Variants in UGT2A2 observed in about 807,000 individuals in gnomAD.
The protein encoded by UGT2A2 is UDP-glucuronosyltransferase 2A2.
Under a neutral mutation model 50.7 loss-of-function variants are expected in UGT2A2, and 60 were observed. The ratio of observed to expected loss-of-function variants is 1.18; its 90% CI spans 0.96 to 1.47. The LOEUF (loss-of-function observed/expected upper bound fraction) is 1.47. Among genes scored for constraint, UGT2A2 ranks in the 40% most tolerant of loss-of-function variants. The probability of loss-of-function intolerance (pLI) is 0.00; values close to 1 mark genes in which losing one functional copy is unlikely to be tolerated. For synonymous variants in UGT2A2, 242 were observed against 214.6 expected (o/e 1.13, Z -1.11); for missense variants, 762 against 634.0 (o/e 1.20, Z -2.17).
chr4:69,617,580 T>C (rs1720477639), intron 1 of UGT2A2, among the ~76,000 whole-genome samples: 2 of 151,818 alleles, frequency 1.3e-5, no homozygotes, highest in South Asian at 4.1e-4. Context: ...AGAAAGACTG[T>C]TTCAAATTAG....
chr4:69,599,456 A>G (rs1001549649), intron 1 of UGT2A2, 62 bp from the exon 2 acceptor site: 3 of 1,581,258 alleles, frequency 1.9e-6, no homozygotes, highest in Non-Finnish European at 2.6e-6. Context: ...GAGGAGAAAA[A>G]AAAGCTACCA....
chr4:69,620,830 T>C (rs974019608), intron 1 of UGT2A2, among the ~76,000 whole-genome samples: 1 of 151,694 alleles, frequency 6.6e-6, no homozygotes, highest in Non-Finnish European at 1.5e-5. Flanking sequence ...AGCTCATAAA[T>C]AAGGCTACAC....
At chr4:69,607,499 A>G (rs1014351290) in intron 1 of UGT2A2, among the ~76,000 whole-genome samples, 13 of 151,980 alleles carry the variant, frequency 8.6e-5, no homozygotes, top group Admixed American at 4.6e-4. Flanking sequence ...CATTCAGGAC[A>G]TAGGCATGGG....
chr4:69,606,998 G>C (rs1231513834), intron 1 of UGT2A2, among the ~76,000 whole-genome samples: 1 of 135,828 alleles, frequency 7.4e-6, no homozygotes, highest in Non-Finnish European at 1.6e-5. Flanking sequence ...ACTGCCCAAG[G>C]TCATTTATAG....
At chr4:69,609,987 G>A (rs1467958671) in intron 1 of UGT2A2, among the ~76,000 whole-genome samples, 1 of 152,142 alleles carries the variant, frequency 6.6e-6, no homozygotes, top group African/African-American at 2.4e-5. Context: ...ATAATAGAAT[G>A]TTGAGGAAAT....
At position 69,639,052 on chromosome 4, in the gene UGT2A2, C is replaced by T. The variant is rs1465103211; in HGVS notation, c.589G>A (p.Ala197Thr). Residue 197 changes from alanine (A) to threonine (T), a missense_variant, in exon 1 of 6, where the codon GCA (alanine) becomes ACA (threonine). Physicochemically the swap from Ala to Thr is moderately conservative, Grantham distance 58. Coordinates refer to ENST00000604629, the MANE Select transcript of UGT2A2 (RefSeq NM_001105677.2). ...GCTGCCGGTACATAGGAGACTGGTG[C>T]TGGGATTTTCCCACAGTGTCTCTCC... is the stretch of plus-strand genomic sequence containing the variant. ...TVERHCGKIP[A>T]PVSYVPAALS... 3 of 1,613,270 alleles carry T rather than the reference C, an allele frequency of 1.9e-6. No homozygotes were observed. The highest frequency in any genetic ancestry group is 1.1e-5 in the South Asian group (1 of 91,014).
Position 69,639,144 on chromosome 4 carries a change from T to C in UGT2A2, c.497A>G (p.Asp166Gly), listed in dbSNP as rs746679021. The change falls in exon 1 of 6, where the codon GAT becomes GGT. Residue 166 changes from aspartate (D) to glycine (G), a missense_variant. Physicochemically the swap from Asp to Gly is moderately conservative, Grantham distance 94. Transcript: ENST00000604629. ...LVADPVTICG[D>G]LVALKLGIPF... ...AATTCCTAATTTCAGAGCAACAAGA[T>C]CACCACAGATTGTTACTGGGTCTGC... is the stretch of plus-strand genomic sequence containing the variant. 1 of 1,613,678 alleles carries C rather than the reference T, an allele frequency of 6.2e-7. No individual in the cohort carries two copies. Among genetic ancestry groups the C allele is most frequent in the East Asian group, 2.2e-5 (1 of 44,864 alleles).
rs144676660 is a variant in UGT2A2, at chr4:69,590,997, T to C, written c.1332-1346A>G. Among the ~76,000 whole-genome samples, 289 of 152,328 alleles carry C rather than the reference T, an allele frequency of 1.9e-3. 1 individual carries two copies. The highest frequency in any genetic ancestry group is 6.7e-3 in the African/African-American group (278 of 41,580). ...ACATCCATATATATACTCTACACTA[T>C]ACCTTGTGTTCCCAGAGGTGGTATT... On this transcript the variant is annotated intron_variant, in intron 5 of 5. Transcript: ENST00000604629.
intron 1 of UGT2A2, chr4:69,599,670 G>T: frequency 6.4e-6 from 2 of 312,908 alleles, no homozygotes; most frequent in Non-Finnish European, 5.7e-6. Context: ...GTGAGAAAAA[G>T]GGAAGAAAGA....
At chr4:69,594,768 G>T (rs1718819882) in intron 4 of UGT2A2, 72 bp from the exon 5 acceptor site, 5 of 1,502,962 alleles carry the variant, frequency 3.3e-6, no homozygotes, top group South Asian at 1.3e-5. Context: ...GACAGAAGGG[G>T]TCAAAAAGCT....
At chr4:69,626,664 G>A (rs1721076144) in intron 1 of UGT2A2, among the ~76,000 whole-genome samples, 1 of 130,396 alleles carries the variant, frequency 7.7e-6, no homozygotes, top group Admixed American at 7.3e-5. Flanking sequence ...AAAATACAAT[G>A]TTACTACTAA....
intron 3 of UGT2A2, 121 bp downstream of exon 3, chr4:69,596,129 C>T (rs1718909683): frequency 7.8e-7 from 1 of 1,290,254 alleles, no homozygotes; most frequent in Non-Finnish European, 1.0e-6. Context: ...TTACTTACAA[C>T]TGTTACTAGT....
intron 1 of UGT2A2, among the ~76,000 whole-genome samples, chr4:69,628,545 C>T (rs544494191): frequency 6.6e-6 from 1 of 151,306 alleles, no homozygotes; most frequent in Non-Finnish European, 1.5e-5. Flanking sequence ...TAAATATCCA[C>T]AAGCAAAAGA....
In UGT2A2 at chr4:69,596,253, CT is replaced by C. The variant is rs753686602; in HGVS notation, c.1019del (p.Gln340ArgfsTer15). On this transcript the variant is annotated frameshift_variant, in exon 3 of 6. Coordinates refer to ENST00000604629, the MANE Select transcript of UGT2A2 (RefSeq NM_001105677.2). LOFTEE classifies it high-confidence loss of function. Reference sequence around the variant, plus strand: ...CAGGATTCCAGGCTGTACTGACCTTCTGTGGAATCTGGGCAAGGGCTGAGGC... The same window carrying C: ...CAGGATTCCAGGCTGTACTGACCTTCGTGGAATCTGGGCAAGGGCTGAGGC... The part of the protein sequence containing the change: ...LIASALAQIP[Q>X]KVLWRYKGKK... 3 of 1,576,530 alleles carry C rather than the reference CT, an allele frequency of 1.9e-6. No homozygotes were observed. The South Asian group carries it at 3.5e-5, about 19-fold the overall frequency.
chr4:69,591,938 A>G (rs576818550), intron 5 of UGT2A2, among the ~76,000 whole-genome samples: 2 of 152,198 alleles, frequency 1.3e-5, no homozygotes, highest in Non-Finnish European at 2.9e-5. Context: ...CTCATGAATT[A>G]TGATTTCTAA....
At position 69,639,466 on chromosome 4, in the gene UGT2A2, C is replaced by T. The variant is rs375839007; in HGVS notation, c.175G>A (p.Val59Met). 5.6e-6 allele frequency: 9 copies of T among 1,613,116 alleles called. No individual in the cohort carries two copies. Among genetic ancestry groups the T allele is most frequent in the Non-Finnish European group, 6.8e-6 (8 of 1,179,514 alleles). Residue 59 changes from valine (V) to methionine (M), a missense_variant, in exon 1 of 6, where the codon GTG becomes ATG. Val to Met is a conservative substitution (Grantham distance 21). Transcript: ENST00000604629. ...LEELIQRNHN[V>M]TVLASSATLF... is the part of the protein sequence containing the mutation. ...GTTGCTGATGAAGCCAGTACAGTCACATTGTGATTTCTTTGAATCAACTCT... is the reference window on the plus strand; with the variant it reads ...GTTGCTGATGAAGCCAGTACAGTCATATTGTGATTTCTTTGAATCAACTCT...
At chr4:69,602,699 A>G (rs755286786) in intron 1 of UGT2A2, among the ~76,000 whole-genome samples, 2 of 137,954 alleles carry the variant, frequency 1.4e-5, no homozygotes, top group African/African-American at 2.9e-5. Flanking sequence ...CAAAAGTTAC[A>G]TAATCTATTC....
intron 1 of UGT2A2, among the ~76,000 whole-genome samples, chr4:69,618,147 A>ATT (rs1396650782): frequency 3.5e-4 from 53 of 151,628 alleles, no homozygotes; most frequent in African/African-American, 1.3e-3. Flanking sequence ...TCATAATTCT[A>ATT]TGAGAAAATA....
At chr4:69,615,212 A>C (rs1295370248) in intron 1 of UGT2A2, among the ~76,000 whole-genome samples, 3 of 152,028 alleles carry the variant, frequency 2.0e-5, no homozygotes, top group African/African-American at 4.8e-5. Context: ...TGAAAAATTA[A>C]ATCACTCTAA....
Sources: allele counts gnomAD v4.1 joint callset (sites outside exome capture counted in the v4.1 genomes callset), GRCh38; gene constraint gnomAD v4.1.1; transcripts MANE v1.5; gene names NCBI Gene and HGNC (gene_info 2026-07-23, HGNC 2026-07-21).